ADARB2: variants seen among roughly 807,000 people sequenced by gnomAD.
ADARB2 encodes the protein inactive double-stranded RNA-specific editase B2.
Under a neutral mutation model 62.2 loss-of-function variants are expected in ADARB2, and 25 were observed. That is an observed-to-expected ratio of 0.40 (90% CI 0.29 to 0.56). ADARB2 has a LOEUF of 0.56. Among genes scored for constraint, ADARB2 ranks in the 20% least tolerant of loss-of-function variants. The pLI, the probability that ADARB2 is intolerant of heterozygous loss-of-function variation, is 0.43. For missense variants in ADARB2, 1,071 were observed against 1,077.4 expected, an observed-to-expected ratio of 0.99 and a Z score of 0.08; for synonymous variants, 572 against 500.8, an observed-to-expected ratio of 1.14 and a Z score of -1.90.
chr10:1,282,770 C>T (rs946377690), intron 3 of ADARB2, among the ~76,000 whole-genome samples: 3 of 152,174 alleles, frequency 2.0e-5, no homozygotes, highest in Non-Finnish European at 2.9e-5. Flanking sequence ...GCTCATGGGC[C>T]TGCAAGGGGT....
At chr10:1,637,261 C>T (rs1833928217) in intron 1 of ADARB2, among the ~76,000 whole-genome samples, 1 of 152,170 alleles carries the variant, frequency 6.6e-6, no homozygotes, top group African/African-American at 2.4e-5. Flanking sequence ...TCCACAGAAT[C>T]CTTTAAATTC....
At chr10:1,229,184 C>A (rs1349428139) in intron 6 of ADARB2, among the ~76,000 whole-genome samples, 1 of 152,326 alleles carries the variant, frequency 6.6e-6, no homozygotes, top group East Asian at 1.9e-4. Flanking sequence ...AATTTATGAT[C>A]TAGACAAATG....
chr10:1,463,834 A>G (rs987153140), intron 1 of ADARB2, among the ~76,000 whole-genome samples: 1 of 147,782 alleles, frequency 6.8e-6, no homozygotes, highest in Non-Finnish European at 1.5e-5. Flanking sequence ...AAAATTCAAA[A>G]TTAAGAGGAT....
intron 1 of ADARB2, among the ~76,000 whole-genome samples, chr10:1,711,703 G>A (rs984881344): frequency 1.3e-5 from 2 of 152,180 alleles, no homozygotes; most frequent in Non-Finnish European, 2.9e-5. Context: ...CATTGCCAAA[G>A]CTCTCGAGGC....
At chr10:1,267,147 A>C (rs901969975) in intron 4 of ADARB2, among the ~76,000 whole-genome samples, 3 of 151,798 alleles carry the variant, frequency 2.0e-5, no homozygotes, top group Non-Finnish European at 4.4e-5. Flanking sequence ...AAAAAAAAAA[A>C]AAAAACCTTT....
intron 1 of ADARB2, among the ~76,000 whole-genome samples, chr10:1,604,963 C>A (rs1170462213): frequency 6.6e-6 from 1 of 152,172 alleles, no homozygotes; most frequent in African/African-American, 2.4e-5. Flanking sequence ...ATAAAAAGGG[C>A]AAACTCTTAT....
intron 2 of ADARB2, among the ~76,000 whole-genome samples, chr10:1,375,016 TG>T (rs1490754280): frequency 6.6e-6 from 1 of 152,046 alleles, no homozygotes; most frequent in South Asian, 2.1e-4. Flanking sequence ...GAGTGGACAC[TG>T]GCAGGCTGGG....
intron 3 of ADARB2, among the ~76,000 whole-genome samples, chr10:1,309,780 C>T (rs1831667346): frequency 6.6e-6 from 1 of 152,064 alleles, no homozygotes; most frequent in Admixed American, 6.5e-5. Context: ...GGGGTGTGGC[C>T]CATCTCCCTC....
chr10:1,380,514 C>T (rs1373627530), intron 1 of ADARB2, among the ~76,000 whole-genome samples: 2 of 152,236 alleles, frequency 1.3e-5, no homozygotes, highest in African/African-American at 4.8e-5. Context: ...GTTTCATCTG[C>T]CCTTGGCCTT....
intron 1 of ADARB2, among the ~76,000 whole-genome samples, chr10:1,476,800 A>G (rs1238553536): frequency 6.6e-6 from 1 of 152,092 alleles, no homozygotes; most frequent in Non-Finnish European, 1.5e-5. Flanking sequence ...GGCCAGCTGG[A>G]TGGAAAGGGC....
At chr10:1,229,184 C>T (rs1349428139) in intron 6 of ADARB2, among the ~76,000 whole-genome samples, 3 of 152,208 alleles carry the variant, frequency 2.0e-5, no homozygotes, top group Admixed American at 1.3e-4. Context: ...AATTTATGAT[C>T]TAGACAAATG....
chr10:1,295,585 T>C (rs1326137503), intron 3 of ADARB2, among the ~76,000 whole-genome samples: 3 of 151,770 alleles, frequency 2.0e-5, no homozygotes, highest in Admixed American at 6.6e-5. Context: ...TGAGCTGACG[T>C]GTGCGCCTCT....
chr10:1,735,812 T>A (rs1373133045), intron 1 of ADARB2, among the ~76,000 whole-genome samples: 12 of 152,260 alleles, frequency 7.9e-5, no homozygotes, highest in Non-Finnish European at 1.8e-4. Context: ...TCGGTCATAA[T>A]GAATGACTGT....
chr10:1,669,819 T>C lies in ADARB2; in HGVS notation c.100+67232A>G, dbSNP rs568508070. On this transcript the variant is annotated intron_variant, in intron 1 of 9. Transcript: ENST00000381312. ...AGTCACAGAGACAAACACAGACACA[T>C]AGACTCACAGACACACAAACAGACA... 2.9e-4 allele frequency among the ~76,000 whole-genome samples: 38 copies of C among 131,992 alleles called. No individual in the cohort carries two copies. In the East Asian group the frequency reaches 7.7e-3, roughly 27 times the overall value. 86.6% of individuals were successfully genotyped at this position (131,992 alleles called of 152,430 possible).
intron 4 of ADARB2, among the ~76,000 whole-genome samples, chr10:1,263,258 G>A (rs577692645): frequency 2.6e-5 from 4 of 152,170 alleles, no homozygotes; most frequent in Non-Finnish European, 5.9e-5. Context: ...TTGTGCACAT[G>A]TACCCTAAAA....
intron 3 of ADARB2, among the ~76,000 whole-genome samples, chr10:1,274,553 G>A (rs1354625713): frequency 1.3e-5 from 2 of 152,032 alleles, no homozygotes; most frequent in African/African-American, 4.8e-5. Flanking sequence ...GTCTGCTTGA[G>A]AGGCTCCAGC....
At chr10:1,345,426 G>C (rs1832072062) in intron 3 of ADARB2, among the ~76,000 whole-genome samples, 1 of 152,200 alleles carries the variant, frequency 6.6e-6, no homozygotes, top group Non-Finnish European at 1.5e-5. Flanking sequence ...CAGCTTCCCA[G>C]AAGGCTTTCC....
At chr10:1,305,555 G>T (rs1248926227) in intron 3 of ADARB2, among the ~76,000 whole-genome samples, 6 of 152,174 alleles carry the variant, frequency 3.9e-5, no homozygotes, top group Non-Finnish European at 8.8e-5. Context: ...CATTTTAGGA[G>T]GCCAGCATCA....
intron 1 of ADARB2, among the ~76,000 whole-genome samples, chr10:1,598,241 T>C (rs913581733): frequency 3.3e-5 from 5 of 151,320 alleles, no homozygotes; most frequent in African/African-American, 1.2e-4. Context: ...ATTCCAGAGG[T>C]GGGTGCACTG....
Sources: gnomAD v4.1 joint callset for allele counts (sites outside exome capture counted in the v4.1 genomes callset) on GRCh38, gnomAD v4.1.1 for gene constraint, MANE v1.5 for transcripts, NCBI Gene and HGNC (gene_info 2026-07-23, HGNC 2026-07-21) for gene names.